The following RIMS1 variants were observed in gnomAD, a reference collection of about 807,000 sequenced individuals.
RIMS1 encodes regulating synaptic membrane exocytosis protein 1.
A neutral mutation model predicts 214.1 loss-of-function variants in RIMS1; 83 were observed. The ratio of observed to expected loss-of-function variants is 0.39; its 90% CI spans 0.32 to 0.47. The LOEUF (loss-of-function observed/expected upper bound fraction) is 0.47, where lower values mean the gene tolerates loss of function less well. Ranked by LOEUF, RIMS1 falls within the 20% of genes least tolerant of loss-of-function variation. RIMS1 has a pLI of 0.99. For synonymous variants in RIMS1, 793 were observed against 786.8 expected, an observed-to-expected ratio of 1.01 and a Z score of -0.13; for missense variants, 2,050 against 2,161.8, an observed-to-expected ratio of 0.95 and a Z score of 1.03.
At chr6:72,126,002 C>A (rs764678099) in intron 4 of RIMS1, among the ~76,000 whole-genome samples, 1 of 152,180 alleles carries the variant, frequency 6.6e-6, no homozygotes, top group Middle Eastern at 3.2e-3. Context: ...CACCCACTGT[C>A]CAACCATTCC....
intron 19 of RIMS1, among the ~76,000 whole-genome samples, 176 bp from the exon 20 acceptor site, chr6:72,264,799 C>CGA (rs2079658523): frequency 6.6e-6 from 1 of 151,976 alleles, no homozygotes; most frequent in Non-Finnish European, 1.5e-5. Context: ...TCTATGATTT[C>CGA]ATATTTTAAT....
At chr6:71,902,229 T>C (rs1773864752) in intron 1 of RIMS1, among the ~76,000 whole-genome samples, 1 of 152,080 alleles carries the variant, frequency 6.6e-6, no homozygotes, top group Admixed American at 6.6e-5. Flanking sequence ...AGGAGTTGGC[T>C]CATCTTTTGA....
intron 17 of RIMS1, 146 bp downstream of exon 17, chr6:72,258,427 C>T: frequency 1.2e-6 from 1 of 825,012 alleles, no homozygotes; most frequent in Non-Finnish European, 1.8e-6. Flanking sequence ...TTTTTTTATT[C>T]TTTATCCAAC....
intron 4 of RIMS1, among the ~76,000 whole-genome samples, chr6:72,103,531 G>T (rs1389014950): frequency 6.6e-6 from 1 of 152,074 alleles, no homozygotes; most frequent in Non-Finnish European, 1.5e-5. Flanking sequence ...AGGACTATGG[G>T]AGCTGCTCAA....
chr6:72,139,219 G>A (rs1167975797), intron 4 of RIMS1, among the ~76,000 whole-genome samples: 1 of 151,972 alleles, frequency 6.6e-6, no homozygotes, highest in Non-Finnish European at 1.5e-5. Context: ...AGGGCTCCTC[G>A]TCTTCACCAC....
intron 2 of RIMS1, among the ~76,000 whole-genome samples, chr6:72,078,391 TTCTC>T (rs1832435462): frequency 6.6e-6 from 1 of 152,038 alleles, no homozygotes; most frequent in South Asian, 2.1e-4. Context: ...CTCTCCCTAT[TTCTC>T]TCTCTTTCCT....
chr6:71,900,991 A>C (rs1314694738), intron 1 of RIMS1, among the ~76,000 whole-genome samples: 2 of 152,166 alleles, frequency 1.3e-5, no homozygotes, highest in African/African-American at 4.8e-5. Flanking sequence ...AAATGGCCAG[A>C]GATATAGGAT....
chr6:72,006,969 G>A (rs1007786799), intron 2 of RIMS1, among the ~76,000 whole-genome samples: 2 of 152,216 alleles, frequency 1.3e-5, no homozygotes, highest in African/African-American at 4.8e-5. Context: ...CAGCTTGGAA[G>A]ACAGTAGTCA....
At position 72,390,608 on chromosome 6, in the gene RIMS1, C is replaced by CA; in HGVS notation, c.4382dup (p.Leu1462ValfsTer16). On this transcript the variant is annotated frameshift_variant, in exon 30 of 34. Coordinates refer to ENST00000521978, the MANE Select transcript of RIMS1 (RefSeq NM_014989.7). LOFTEE classifies it high-confidence loss of function. Reference sequence around the variant, plus strand: ...ACTCTCTCCTGTCAGAGTCGGGCCACAAAAAGTTAAAAAGTACCATCCAGA... The same window carrying CA: ...ACTCTCTCCTGTCAGAGTCGGGCCACAAAAAAGTTAAAAAGTACCATCCAGA... 6.2e-7 allele frequency: 1 copy of CA among 1,613,034 alleles called. No homozygotes were observed. The highest frequency in any genetic ancestry group is 8.5e-7 in the Non-Finnish European group (1 of 1,179,362).
At chr6:72,042,577 A>G (rs192752921) in intron 2 of RIMS1, among the ~76,000 whole-genome samples, 2 of 152,000 alleles carry the variant, frequency 1.3e-5, no homozygotes, top group Admixed American at 6.6e-5. Context: ...TTCTTTACCC[A>G]CATACCACAT....
chr6:72,123,328 C>T (rs561021053), intron 4 of RIMS1, among the ~76,000 whole-genome samples: 10 of 151,842 alleles, frequency 6.6e-5, no homozygotes, highest in Admixed American at 2.0e-4. Context: ...TGCACTGTGG[C>T]CTGAGAGACA....
intron 2 of RIMS1, among the ~76,000 whole-genome samples, chr6:72,050,130 T>C (rs1050881284): frequency 6.6e-6 from 1 of 152,136 alleles, no homozygotes; most frequent in Non-Finnish European, 1.5e-5. Flanking sequence ...TCGGTTCTGC[T>C]GAGGGATGGA....
intron 18 of RIMS1, among the ~76,000 whole-genome samples, chr6:72,259,790 T>G (rs1170632257): frequency 6.6e-6 from 1 of 152,184 alleles, no homozygotes; most frequent in East Asian, 1.9e-4. Context: ...ATTAGCCTGA[T>G]TATAAGCTCA....
At chr6:72,138,642 A>G (rs1464175692) in intron 4 of RIMS1, among the ~76,000 whole-genome samples, 1 of 152,114 alleles carries the variant, frequency 6.6e-6, no homozygotes, top group Non-Finnish European at 1.5e-5. Context: ...CTAAATAGAC[A>G]CTCTTAAATA....
intron 1 of RIMS1, among the ~76,000 whole-genome samples, chr6:71,936,126 G>A (rs565890909): frequency 1.3e-4 from 19 of 151,780 alleles, no homozygotes; most frequent in African/African-American, 3.1e-4. Context: ...CGAGGCGGGC[G>A]GATCACGAGG....
chr6:71,956,577 G>T (rs1043092830), intron 1 of RIMS1, among the ~76,000 whole-genome samples: 1 of 152,146 alleles, frequency 6.6e-6, no homozygotes, highest in African/African-American at 2.4e-5. Flanking sequence ...TCAAACTGAT[G>T]CAGTAGTCAG....
intron 22 of RIMS1, among the ~76,000 whole-genome samples, chr6:72,271,286 A>AAAAT (rs1417580438): frequency 1.8e-4 from 8 of 44,416 alleles, no homozygotes; most frequent in South Asian, 8.8e-4. Context: ...AAAAAAAAAA[A>AAAAT]ATATATATAT....
intron 4 of RIMS1, among the ~76,000 whole-genome samples, chr6:72,108,687 A>T (rs1051787925): frequency 1.3e-5 from 2 of 150,468 alleles, no homozygotes; most frequent in Non-Finnish European, 2.9e-5. Context: ...GTTTCAGTTT[A>T]TTTTATTTTA....
chr6:72,121,417 G>A (rs2038275936), intron 4 of RIMS1, among the ~76,000 whole-genome samples: 1 of 151,834 alleles, frequency 6.6e-6, no homozygotes, highest in African/African-American at 2.4e-5. Context: ...TGAAACAATT[G>A]TGAATGGGAG....
Sources: gnomAD v4.1 joint callset for allele counts (sites outside exome capture counted in the v4.1 genomes callset) on GRCh38, gnomAD v4.1.1 for gene constraint, MANE v1.5 for transcripts, NCBI Gene and HGNC (gene_info 2026-07-23, HGNC 2026-07-21) for gene names.